Variants in ARHGEF28 observed in about 807,000 individuals in gnomAD.
ARHGEF28 encodes Rho guanine nucleotide exchange factor 28.
ARHGEF28 carries 152 observed loss-of-function variants against 206.6 expected under a neutral mutation model. The observed-to-expected ratio is 0.74, with a 90% CI of 0.64 to 0.84. The LOEUF (loss-of-function observed/expected upper bound fraction) is 0.84, where lower values mean the gene tolerates loss of function less well. Ranked by LOEUF, ARHGEF28 falls within the 40% of genes least tolerant of loss-of-function variation. ARHGEF28 has a pLI of 0.00. For missense variants in ARHGEF28, 2,028 were observed against 2,073.2 expected (o/e 0.98, Z 0.42); for synonymous variants, 763 against 776.4 (o/e 0.98, Z 0.29).
intron 12 of ARHGEF28, among the ~76,000 whole-genome samples, chr5:73,847,023 G>T (rs1476251481): frequency 6.6e-6 from 1 of 151,996 alleles, no homozygotes; most frequent in Non-Finnish European, 1.5e-5. Flanking sequence ...AGGTGTGCTT[G>T]TTTTTTTGTT....
chr5:73,758,273 G>T (rs1352553764), intron 4 of ARHGEF28, among the ~76,000 whole-genome samples: 1 of 152,080 alleles, frequency 6.6e-6, no homozygotes, highest in African/African-American at 2.4e-5. Flanking sequence ...GAAAAATAAA[G>T]CCCAGTTCCT....
At chr5:73,679,045 T>A (rs1483497584) in intron 1 of ARHGEF28, among the ~76,000 whole-genome samples, 1 of 152,184 alleles carries the variant, frequency 6.6e-6, no homozygotes, top group Non-Finnish European at 1.5e-5. Context: ...TGCACCACCG[T>A]GCCCGGTTAA....
intron 1 of ARHGEF28, among the ~76,000 whole-genome samples, chr5:73,650,277 C>CTTT (rs138217794): frequency 5.3e-5 from 5 of 94,028 alleles, no homozygotes; most frequent in Non-Finnish European, 1.0e-4. Context: ...TTCTTTCTTT[C>CTTT]TTTTTTTTTT....
At chr5:73,837,706 T>TTC (rs1561443966) in intron 10 of ARHGEF28, among the ~76,000 whole-genome samples, 23 of 151,626 alleles carry the variant, frequency 1.5e-4, no homozygotes, top group South Asian at 2.1e-4. Flanking sequence ...TCTCTTTCTT[T>TTC]CTTTCTTCCT....
At chr5:73,811,803 A>AAAT (rs1419385628) in intron 9 of ARHGEF28, among the ~76,000 whole-genome samples, 1 of 152,018 alleles carries the variant, frequency 6.6e-6, no homozygotes, top group Non-Finnish European at 1.5e-5. Flanking sequence ...GCTGACGTAG[A>AAAT]AATAACACAT....
At chr5:73,766,458 C>T (rs1435727681) in intron 4 of ARHGEF28, among the ~76,000 whole-genome samples, 1 of 152,190 alleles carries the variant, frequency 6.6e-6, no homozygotes, top group Admixed American at 6.5e-5. Context: ...TTGGTAAAAT[C>T]TTATACCTAA....
chr5:73,740,045 G>T (rs1459777850), intron 2 of ARHGEF28, among the ~76,000 whole-genome samples: 2 of 149,260 alleles, frequency 1.3e-5, no homozygotes, highest in East Asian at 3.9e-4. Context: ...TGGTGTGGTG[G>T]TGGTGCCTGC....
chr5:73,912,965 A>G (rs959872080), intron 35 of ARHGEF28, among the ~76,000 whole-genome samples: 2 of 152,236 alleles, frequency 1.3e-5, no homozygotes, highest in African/African-American at 4.8e-5. Flanking sequence ...GTTTAAAAGA[A>G]GCATGTCTCT....
intron 28 of ARHGEF28, among the ~76,000 whole-genome samples, chr5:73,893,666 A>G (rs1006198038): frequency 6.6e-6 from 1 of 152,228 alleles, no homozygotes; most frequent in African/African-American, 2.4e-5. Flanking sequence ...GTGTGAAAGA[A>G]GGAGATTAGA....
intron 1 of ARHGEF28, among the ~76,000 whole-genome samples, chr5:73,629,305 C>T (rs2112110997): frequency 1.3e-5 from 2 of 152,054 alleles, no homozygotes; most frequent in Non-Finnish European, 2.9e-5. Context: ...CAAGACCAGC[C>T]TGGGCAACAT....
At chr5:73,790,188 T>C (rs1754394494) in intron 7 of ARHGEF28, among the ~76,000 whole-genome samples, 1 of 152,010 alleles carries the variant, frequency 6.6e-6, no homozygotes, top group Admixed American at 6.6e-5. Context: ...TTTTTTCTAT[T>C]AGTGATAGAA....
intron 33 of ARHGEF28, 99 bp downstream of exon 33, chr5:73,904,504 T>C: frequency 1.6e-6 from 2 of 1,274,398 alleles, no homozygotes; most frequent in African/African-American, 1.5e-5. Flanking sequence ...AAGTGAGAGG[T>C]AGGGAATGAT....
intron 26 of ARHGEF28, among the ~76,000 whole-genome samples, chr5:73,888,348 G>A (rs1761427573): frequency 6.6e-6 from 1 of 152,228 alleles, no homozygotes; most frequent in African/African-American, 2.4e-5. Context: ...GCTTGAAGAA[G>A]TCTCTATGTT....
At chr5:73,796,176 A>G (rs1211079213) in intron 9 of ARHGEF28, among the ~76,000 whole-genome samples, 2 of 152,240 alleles carry the variant, frequency 1.3e-5, no homozygotes, top group Non-Finnish European at 2.9e-5. Context: ...AGCTATCAGC[A>G]GAGGCTGAGT....
At chr5:73,814,055 G>A (rs367943009) in intron 9 of ARHGEF28, among the ~76,000 whole-genome samples, 7 of 152,120 alleles carry the variant, frequency 4.6e-5, no homozygotes, top group African/African-American at 1.7e-4. Context: ...CAGAGAATAC[G>A]CATGTGTTTC....
intron 10 of ARHGEF28, 127 bp from the exon 11 acceptor site, chr5:73,840,353 G>A: frequency 1.2e-6 from 1 of 842,838 alleles, no homozygotes; most frequent in Non-Finnish European, 1.8e-6. Flanking sequence ...GACCTCAAGT[G>A]ATCTGCCAGC....
chr5:73,664,117 C>T (rs144887666), intron 1 of ARHGEF28, among the ~76,000 whole-genome samples: 56 of 152,300 alleles, frequency 3.7e-4, no homozygotes, highest in African/African-American at 1.2e-3. Flanking sequence ...ATGTTTAACT[C>T]GGTCATCCCC....
intron 18 of ARHGEF28, among the ~76,000 whole-genome samples, chr5:73,867,291 T>A (rs193265545): frequency 5.9e-5 from 9 of 152,332 alleles, no homozygotes; most frequent in African/African-American, 2.2e-4. Context: ...ACATCAAATG[T>A]AAATGCATCT....
At chr5:73,661,305 G>T (rs184633150) in intron 1 of ARHGEF28, among the ~76,000 whole-genome samples, 1 of 152,258 alleles carries the variant, frequency 6.6e-6, no homozygotes, top group African/African-American at 2.4e-5. Context: ...CAATGGAAGA[G>T]TTAGGGCTTT....
Sources: gnomAD v4.1 joint callset for allele counts (sites outside exome capture counted in the v4.1 genomes callset) on GRCh38, gnomAD v4.1.1 for gene constraint, MANE v1.5 for transcripts, NCBI Gene and HGNC (gene_info 2026-07-23, HGNC 2026-07-21) for gene names.